NYX: variants seen among roughly 807,000 people sequenced by gnomAD.
NYX encodes leucine-rich repeat protein.
For synonymous variants in NYX, 258 were observed against 245.7 expected (o/e 1.05, Z -0.47); for missense variants, 481 against 485.4 (o/e 0.99, Z 0.09).
At chrX:41,459,622 G>A (rs201605196) in intron 2 of NYX, among the ~76,000 whole-genome samples, 4 of 105,284 alleles carry the variant, frequency 3.8e-5, no homozygotes, top group Admixed American at 1.0e-4. Flanking sequence ...CTGTCTTGGG[G>A]AAAAAAAAAG....
chrX:41,474,668 A>G lies in NYX; in HGVS notation c.1200A>G (p.Pro400=). The G allele has an allele frequency of 8.4e-7, 1 of 1,197,564 alleles. No homozygotes were observed. The highest frequency in any genetic ancestry group is 1.1e-6 in the Non-Finnish European group (1 of 889,565). ...TTSSPGPSPE[P]AATTVSRFSS... is the part of the protein sequence containing the mutation. ...CCAGTCCAGGCCCGTCCCCAGAACC[A>G]GCGGCCACCACCGTGAGCAGGTTCA... Residue 400 remains proline (P), a synonymous_variant, in exon 3 of 3, where the codon CCA becomes CCG. Transcript: ENST00000378220.
chrX:41,454,112 C>A (rs1284166091), intron 2 of NYX, among the ~76,000 whole-genome samples: 2 of 111,885 alleles, frequency 1.8e-5, no homozygotes, highest in Admixed American at 9.6e-5. Flanking sequence ...CCTGATCCCA[C>A]CCCTGAAGAT....
At chrX:41,464,148 CT>C (rs141248938) in intron 2 of NYX, among the ~76,000 whole-genome samples, 103 of 98,423 alleles carry the variant, frequency 1.0e-3, no homozygotes, top group Admixed American at 1.2e-3. Context: ...TAATCCCATT[CT>C]TTTTTTTTTT....
At chrX:41,470,745 C>A (rs1056948720) in intron 2 of NYX, among the ~76,000 whole-genome samples, 10 of 106,675 alleles carry the variant, frequency 9.4e-5, no homozygotes. Context: ...CTTTTTAAGT[C>A]TTTGAAATCT....
At chrX:41,449,081 C>T (rs2064269987) in intron 2 of NYX, among the ~76,000 whole-genome samples, 1 of 111,764 alleles carries the variant, frequency 8.9e-6, no homozygotes, top group African/African-American at 3.3e-5. Flanking sequence ...CTAGCTGTTC[C>T]AATCTGACTG....
intron 2 of NYX, among the ~76,000 whole-genome samples, chrX:41,470,202 A>G (rs757872282): frequency 9.1e-6 from 1 of 109,687 alleles, no homozygotes; most frequent in Non-Finnish European, 1.9e-5. Flanking sequence ...TAATTTACTC[A>G]ATGGGGGTGT....
intron 2 of NYX, among the ~76,000 whole-genome samples, chrX:41,462,579 C>T (rs2064323986): frequency 8.9e-6 from 1 of 111,887 alleles, no homozygotes; most frequent in South Asian, 3.7e-4. Context: ...GGGGTGCCAG[C>T]ATGGTTGGGT....
intron 2 of NYX, among the ~76,000 whole-genome samples, chrX:41,469,306 T>G (rs2064351074): frequency 9.0e-6 from 1 of 110,924 alleles, no homozygotes; most frequent in Non-Finnish European, 1.9e-5. Flanking sequence ...AGGATGTGAG[T>G]GGCAGGCCAG....
At chrX:41,452,128 T>C (rs2064282461) in intron 2 of NYX, among the ~76,000 whole-genome samples, 1 of 110,292 alleles carries the variant, frequency 9.1e-6, no homozygotes, top group Non-Finnish European at 1.9e-5. Flanking sequence ...TGCACCACCA[T>C]GCCTGGCTAA....
chrX:41,466,502 TTGAAGGGTTGCATCGACTC>T (rs1286346776), intron 2 of NYX, among the ~76,000 whole-genome samples: 8 of 111,135 alleles, frequency 7.2e-5, no homozygotes, highest in Non-Finnish European at 1.1e-4. Flanking sequence ...TGTCTCTTCT[TTGAAGGGTTGCATCGACTC>T]TGATTGCCTG....
At position 41,473,578 on chromosome X, in the gene NYX, G is replaced by A. The variant is rs2046561777; in HGVS notation, c.110G>A (p.Arg37His). ...PAACACSTVE[R>H]GCSVRCDRAG... The stretch of plus-strand genomic sequence containing the variant: ...GCCTGCGCCTGCAGCACCGTGGAGC[G>A]CGGCTGCTCGGTGCGCTGCGACCGC... The change falls in exon 3 of 3, where the codon CGC becomes CAC. Residue 37 changes from arginine (R) to histidine (H), a missense_variant. Arg to His is a conservative substitution (Grantham distance 29, BLOSUM62 0). Coordinates refer to ENST00000378220, the MANE Select transcript of NYX (RefSeq NM_001378477.3). 7.0e-6 allele frequency: 7 copies of A among 1,005,493 alleles called. No individual in the cohort carries two copies. The East Asian group carries it at 1.4e-4, about 20-fold the overall frequency. 82.9% of individuals were successfully genotyped at this position (1,005,493 alleles called of 1,213,427 possible).
Position 41,473,848 on chromosome X carries a change from C to A in NYX, c.380C>A (p.Ala127Glu), listed in dbSNP as rs770131559. The part of the protein sequence containing the change: ...DLRYLHARTF[A>E]ALSRLRRLDL... ...CGCTACCTGCACGCGCGCACCTTCG[C>A]GGCGCTCAGCCGCCTGCGCCGCCTA... Residue 127 changes from alanine (A) to glutamate (E), a missense_variant, in exon 3 of 3, where the codon GCG becomes GAG. Coordinates refer to ENST00000378220, the MANE Select transcript of NYX (RefSeq NM_001378477.3). 23 of 1,101,358 alleles carry A rather than the reference C, an allele frequency of 2.1e-5. No individual in the cohort carries two copies. The highest frequency in any genetic ancestry group is 5.0e-4 in the Middle Eastern group (2 of 4,025). The allele number at this position is 1,101,358 out of a possible 1,213,427, so 90.8% of individuals were successfully genotyped here.
chrX:41,459,008 G>A (rs759610325), intron 2 of NYX, among the ~76,000 whole-genome samples: 36 of 108,242 alleles, frequency 3.3e-4, no homozygotes, highest in African/African-American at 1.1e-3. Context: ...ACTTGAACCC[G>A]GCAGGTGGAG....
At chrX:41,455,610 G>A (rs1411936050) in intron 2 of NYX, among the ~76,000 whole-genome samples, 4 of 110,001 alleles carry the variant, frequency 3.6e-5, no homozygotes, top group Non-Finnish European at 7.6e-5. Context: ...GGGCAGTCCT[G>A]CTACATTTAT....
intron 2 of NYX, among the ~76,000 whole-genome samples, chrX:41,455,797 A>G (rs949156910): frequency 1.8e-5 from 2 of 111,658 alleles, no homozygotes; most frequent in Non-Finnish European, 3.8e-5. Context: ...TAATGTGGTA[A>G]ATGTTTTTCT....
Position 41,474,504 on chromosome X carries a change from A to G in NYX, c.1036A>G (p.Met346Val). The G allele has an allele frequency of 8.3e-7, 1 of 1,208,012 alleles. No individual in the cohort carries two copies. The highest frequency in any genetic ancestry group is 1.8e-5 in the South Asian group (1 of 56,740). Residue 346 changes from methionine (M) to valine (V), a missense_variant, in exon 3 of 3, where the codon ATG (methionine) becomes GTG (valine). Met to Val is a conservative substitution (Grantham distance 21). Coordinates refer to ENST00000378220, the MANE Select transcript of NYX (RefSeq NM_001378477.3). ...CCGTCTGGAGTGGCTGAGGGACTGGATGGAGGGCTCCGGACGTGTCACCGA... is the reference window on the plus strand; with the variant it reads ...CCGTCTGGAGTGGCTGAGGGACTGGGTGGAGGGCTCCGGACGTGTCACCGA... ...DCRLEWLRDW[M>V]EGSGRVTDVP... is the part of the protein sequence containing the mutation.
At chrX:41,469,655 T>C (rs2064352219) in intron 2 of NYX, among the ~76,000 whole-genome samples, 1 of 108,972 alleles carries the variant, frequency 9.2e-6, no homozygotes, top group Non-Finnish European at 1.9e-5. Context: ...CAAGCAATTC[T>C]CCTGCTTCAG....
chrX:41,453,801 C>A (rs188719316), intron 2 of NYX, among the ~76,000 whole-genome samples: 1 of 112,405 alleles, frequency 8.9e-6, no homozygotes, highest in East Asian at 2.8e-4. Context: ...TATAGTTATG[C>A]CACATTTGCT....
intron 2 of NYX, among the ~76,000 whole-genome samples, chrX:41,451,554 T>A (rs980484800): frequency 2.7e-5 from 3 of 111,491 alleles, no homozygotes; most frequent in African/African-American, 9.8e-5. Context: ...TGCTCTGTCG[T>A]CCAGGCTGGA....
Sources: allele counts gnomAD v4.1 joint callset (sites outside exome capture counted in the v4.1 genomes callset), GRCh38; gene constraint gnomAD v4.1.1; transcripts MANE v1.5; gene names NCBI Gene and HGNC (gene_info 2026-07-23, HGNC 2026-07-21).